Variants in MECR observed in about 807,000 individuals in gnomAD.
MECR encodes the protein mitochondrial trans-2-enoyl-CoA reductase.
MECR carries 37 observed loss-of-function variants against 49.1 expected under a neutral mutation model. The ratio of observed to expected loss-of-function variants is 0.75; its 90% CI spans 0.58 to 0.99. The LOEUF is 0.99. Ranked by LOEUF, MECR falls within the 50% of genes least tolerant of loss-of-function variation. The pLI is 0.00. For synonymous variants in MECR, 198 were observed against 191.1 expected, an observed-to-expected ratio of 1.04 and a Z score of -0.30; for missense variants, 470 against 479.6, an observed-to-expected ratio of 0.98 and a Z score of 0.19.
At chr1:29,198,927 T>G (rs72649268) in intron 7 of MECR, among the ~76,000 whole-genome samples, 3,449 of 152,260 alleles carry the variant, frequency 0.023, 45 homozygotes, top group Non-Finnish European at 0.036. Flanking sequence ...TGGGCCTCAT[T>G]GTTTAAAAGT....
the MECR span, among the ~76,000 whole-genome samples, chr1:29,177,473 G>A: frequency 6.6e-6 from 1 of 152,062 alleles, no homozygotes; most frequent in African/African-American, 2.4e-5. Context: ...TAGAGACAGG[G>A]GTTTCTCCAT....
At chr1:29,224,074 G>GAA (rs1326672119) in intron 1 of MECR, 1 of 152,184 alleles carries the variant, frequency 6.6e-6, no homozygotes, top group Non-Finnish European at 1.5e-5. Flanking sequence ...AGTTGGCAAA[G>GAA]AAACCTTCTC....
intron 7 of MECR, 60 bp from the exon 8 acceptor site, chr1:29,196,318 C>T: frequency 1.4e-6 from 2 of 1,448,768 alleles, no homozygotes; most frequent in South Asian, 2.5e-5. Flanking sequence ...CCTTCCTGAA[C>T]CTGCCATGGC....
the MECR span, among the ~76,000 whole-genome samples, chr1:29,175,284 A>C: frequency 3.3e-5 from 5 of 151,904 alleles, no homozygotes; most frequent in Admixed American, 2.0e-4. Context: ...GTGGTGGTGC[A>C]CACCTGTAAT....
chr1:29,204,192 CT>C (rs1324390826), intron 4 of MECR, among the ~76,000 whole-genome samples: 2 of 152,034 alleles, frequency 1.3e-5, no homozygotes, highest in Non-Finnish European at 2.9e-5. Context: ...GTACTCCAGC[CT>C]GGGTGACAGA....
At chr1:29,172,114 G>T in the MECR span, 10 of 151,904 alleles carry the variant, frequency 6.6e-5, no homozygotes, top group Non-Finnish European at 1.5e-5. Context: ...CACTTTTTTG[G>T]GGGGTAAGTT....
At chr1:29,178,166 A>G in the MECR span, among the ~76,000 whole-genome samples, 1 of 150,858 alleles carries the variant, frequency 6.6e-6, no homozygotes, top group African/African-American at 2.4e-5. Flanking sequence ...TCCCAAGGTG[A>G]TGGGATTACA....
intron 7 of MECR, among the ~76,000 whole-genome samples, chr1:29,197,929 C>T (rs1674389644): frequency 6.6e-6 from 1 of 152,226 alleles, no homozygotes; most frequent in Non-Finnish European, 1.5e-5. Flanking sequence ...ATTTGTATAT[C>T]GCCCAGTGTC....
chr1:29,207,129 T>G (rs940395382), intron 3 of MECR, among the ~76,000 whole-genome samples: 28 of 149,944 alleles, frequency 1.9e-4, no homozygotes, highest in African/African-American at 6.8e-4. Context: ...TTCTTTTTAA[T>G]TTTTTTTTTG....
chr1:29,206,893 G>A lies in MECR; in HGVS notation c.419C>T (p.Thr140Ile). ...TGCTTCCTCGCTGAACACAGCCTCG[G>A]TCCGCCAGGTTCCTGAGTCAGAAGA... Reference protein sequence around the residue: ...PANAGLGTWRTEAVFSEEALI... With the variant: ...PANAGLGTWRIEAVFSEEALI... The change falls in exon 4 of 10, where the codon ACC becomes ATC. Residue 140 changes from threonine to isoleucine, a missense_variant. By Grantham distance (89) the Thr-to-Ile change is moderately conservative (BLOSUM62 -1). Transcript: ENST00000263702. 6.2e-7 allele frequency: 1 copy of A among 1,614,116 alleles called. No individual in the cohort carries two copies. The highest frequency in any genetic ancestry group is 8.5e-7 in the Non-Finnish European group (1 of 1,179,996).
chr1:29,203,174 C>G lies in MECR; in HGVS notation c.610G>C (p.Ala204Pro). ...ATGGTTCTTAGGCCCAGGGCTGCGG[C>G]GATCTGGATGACTGCTTGCCCCACT... ...SGVGQAVIQIAAALGLRTINV... is the reference protein window; with the variant it reads ...SGVGQAVIQIPAALGLRTINV... Residue 204 changes from alanine (A) to proline (P), a missense_variant, in exon 5 of 10, where the codon GCC becomes CCC. By Grantham distance (27) the Ala-to-Pro change is conservative. Coordinates refer to ENST00000263702, the MANE Select transcript of MECR (RefSeq NM_016011.5). The G allele has an allele frequency of 6.3e-7, 1 of 1,586,338 alleles. No individual in the cohort carries two copies. The highest frequency in any genetic ancestry group is 8.6e-7 in the Non-Finnish European group (1 of 1,162,754).
chr1:29,201,228 C>T lies in MECR; in HGVS notation c.757-639G>A. 1 of 346,832 alleles carries T rather than the reference C, an allele frequency of 2.9e-6. No homozygotes were observed. The allele number at this position is 346,832 out of a possible 1,614,324, so 21.5% of individuals were successfully genotyped here. On this transcript the variant is annotated intron_variant, in intron 6 of 9. Transcript: ENST00000263702. This position sits in a 1 kb window ranked among gnomAD's most constrained non-coding sequence, Gnocchi z 4.3. ...GTGGGTTTCAGCTCCCTGTGTGCCC[C>T]CCTTTTCAGTTCTTTGACTCAGCTG...
intron 3 of MECR, among the ~76,000 whole-genome samples, chr1:29,214,061 C>CTTTTTTT (rs1200557418): frequency 7.2e-6 from 1 of 138,562 alleles, no homozygotes. Flanking sequence ...AATCAACTTT[C>CTTTTTTT]TTTTTTTTTT....
chr1:29,177,654 T>C, the MECR span, among the ~76,000 whole-genome samples: 1 of 152,146 alleles, frequency 6.6e-6, no homozygotes, highest in Non-Finnish European at 1.5e-5. Flanking sequence ...GAATGGTCTA[T>C]ATGATCCTGG....
chr1:29,221,183 C>T (rs1267332060), intron 1 of MECR: 1 of 151,958 alleles, frequency 6.6e-6, no homozygotes, highest in Non-Finnish European at 1.5e-5. Context: ...TGCACTCTAG[C>T]CTGGGCAACA....
the MECR span, chr1:29,173,466 CTTTTTTTTTTTT>C: frequency 4.1e-5 from 3 of 73,068 alleles, no homozygotes; most frequent in Admixed American, 5.4e-4. Context: ...TTTTTTTTTT[CTTTTTTTTTTTT>C]TTTTTTGAGA....
chr1:29,200,540 G>A lies in MECR; in HGVS notation c.806C>T (p.Ser269Phe). 1 of 1,613,840 alleles carries A rather than the reference G, an allele frequency of 6.2e-7. No individual in the cohort carries two copies. Residue 269 changes from serine (S) to phenylalanine (F), a missense_variant, in exon 7 of 10, where the codon TCC (serine) becomes TTC (phenylalanine). By Grantham distance (155) the Ser-to-Phe change is radical (BLOSUM62 -2). Coordinates refer to ENST00000263702, the MANE Select transcript of MECR (RefSeq NM_016011.5). ...CGCTAACTGCCGCAGCAGCTCTGTG[G>A]AGCTTTTCCCACCAACACAGTTGAG... ...LALNCVGGKS[S>F]TELLRQLARG...
chr1:29,196,866 G>A (rs1236401158), intron 7 of MECR, among the ~76,000 whole-genome samples: 2 of 151,982 alleles, frequency 1.3e-5, no homozygotes, highest in Non-Finnish European at 2.9e-5. Context: ...AAAATTAGCT[G>A]GGCACGGTGA....
the MECR span, among the ~76,000 whole-genome samples, chr1:29,176,139 C>T: frequency 6.6e-6 from 1 of 152,106 alleles, no homozygotes; most frequent in Non-Finnish European, 1.5e-5. Context: ...GTAGTCCCAG[C>T]TACTTGGGAG....
Sources: gnomAD v4.1 joint callset for allele counts (sites outside exome capture counted in the v4.1 genomes callset) on GRCh38, gnomAD v4.1.1 for gene constraint, Gnocchi (gnomAD v3.1) non-coding constraint, MANE v1.5 for transcripts, NCBI Gene and HGNC (gene_info 2026-07-23, HGNC 2026-07-21) for gene names.